Variants in OVCH1 observed in about 807,000 individuals in gnomAD.
OVCH1 encodes ovochymase-1.
A neutral mutation model predicts 138.4 loss-of-function variants in OVCH1; 139 were observed. The observed-to-expected ratio is 1.00, with a 90% CI of 0.87 to 1.16. The LOEUF is 1.16. Among genes scored for constraint, OVCH1 ranks in the 50% most tolerant of loss-of-function variants. The probability of loss-of-function intolerance (pLI) is 0.00; values close to 1 mark genes in which losing one functional copy is unlikely to be tolerated. For missense variants in OVCH1, 1,367 were observed against 1,357.9 expected, an observed-to-expected ratio of 1.01 and a Z score of -0.11; for synonymous variants, 453 against 467.8, an observed-to-expected ratio of 0.97 and a Z score of 0.41.
chr12:29,426,838 T>C (rs901569654), downstream of OVCH1, among the ~76,000 whole-genome samples: 15 of 152,200 alleles, frequency 9.9e-5, no homozygotes, highest in Admixed American at 3.3e-4. Context: ...TTCTATATCT[T>C]TGCTGTCCAA....
In OVCH1 at chr12:29,451,027, GC is replaced by G. The variant is rs1291146483; in HGVS notation, c.2755+317del. Among the ~76,000 whole-genome samples, 17 of 123,806 alleles carry G rather than the reference GC, an allele frequency of 1.4e-4. No homozygotes were observed. The Admixed American group carries it at 1.5e-3, about 11-fold the overall frequency. 81.2% of individuals were successfully genotyped at this position (123,806 alleles called of 152,430 possible). On this transcript the variant is annotated intron_variant, in intron 22 of 27. Transcript: ENST00000318184. ...ACTGGGGCCTGTTGGGGGGTGGGGGGCTAGGGGAGGGATAGCACTAGGAGAA... is the reference window on the plus strand; with the variant it reads ...ACTGGGGCCTGTTGGGGGGTGGGGGGTAGGGGAGGGATAGCACTAGGAGAA...
chr12:29,437,369 T>A (rs1941383150), intron 26 of OVCH1, among the ~76,000 whole-genome samples: 1 of 152,182 alleles, frequency 6.6e-6, no homozygotes, highest in African/African-American at 2.4e-5. Flanking sequence ...TACTTAATAA[T>A]TTTTTCATAT....
downstream of OVCH1, among the ~76,000 whole-genome samples, chr12:29,423,763 T>G (rs568950008): frequency 3.3e-5 from 5 of 152,312 alleles, no homozygotes; most frequent in African/African-American, 1.2e-4. Flanking sequence ...TTGATTTGTC[T>G]TCATGATAAC....
rs780379645 is a variant in OVCH1, at chr12:29,417,239, G to A, written c.*72-4514C>T. Among the ~76,000 whole-genome samples, 8 of 152,004 alleles carry A rather than the reference G, an allele frequency of 5.3e-5. No homozygotes were observed. In the South Asian group the frequency reaches 8.3e-4, roughly 16 times the overall value. On this transcript the variant is annotated intron_variant and NMD_transcript_variant, in intron 3 of 4. Coordinates refer to the OVCH1 transcript ENST00000539117. Reference sequence around the variant, plus strand: ...AGGCCAAGGCGGGTGGATCACCTGAGGTCAGGAGTTCGAGACCAACCTGAC... The same window carrying A: ...AGGCCAAGGCGGGTGGATCACCTGAAGTCAGGAGTTCGAGACCAACCTGAC...
At position 29,433,014 on chromosome 12, in the gene OVCH1, GGA is replaced by G. The variant is rs567633967; in HGVS notation, c.3327+735_3327+736del. On this transcript the variant is annotated intron_variant, in intron 27 of 27. Coordinates refer to ENST00000318184, the Ensembl canonical transcript of OVCH1. The stretch of plus-strand genomic sequence containing the variant: ...TCAAGAAAAACGAGAGGGCAAAAGG[GGA>G]GACAGTGAGTATAAATAACTTCCAT... 1.8e-3 allele frequency among the ~76,000 whole-genome samples: 267 copies of G among 152,204 alleles called. 1 individual carries two copies. Among genetic ancestry groups the G allele is most frequent in the African/African-American group, 6.0e-3 (248 of 41,528 alleles).
chr12:29,418,740 T>G (rs1941063578), intron 3 of OVCH1, among the ~76,000 whole-genome samples: 1 of 152,250 alleles, frequency 6.6e-6, no homozygotes, highest in Admixed American at 6.5e-5. Flanking sequence ...AACTTCTTTC[T>G]GTTACCAGGT....
At position 29,451,141 on chromosome 12, in the gene OVCH1, T is replaced by C. The variant is rs1941780427; in HGVS notation, c.2755+204A>G. Among the ~76,000 whole-genome samples the C allele has an allele frequency of 2.0e-5, 3 of 151,906 alleles. 1 individual carries two copies. The highest frequency in any genetic ancestry group is 2.0e-4 in the Admixed American group (3 of 15,218). Reference sequence around the variant, plus strand: ...GTAACAAACCTGCATGTTCTGCACATGTAACCCAGAACTTAAAGTATAATC... The same window carrying C: ...GTAACAAACCTGCATGTTCTGCACACGTAACCCAGAACTTAAAGTATAATC... On this transcript the variant is annotated intron_variant, in intron 22 of 27. Transcript: ENST00000318184.
intron 16 of OVCH1, among the ~76,000 whole-genome samples, chr12:29,470,061 G>A (rs1942451409): frequency 6.6e-6 from 1 of 152,060 alleles, no homozygotes; most frequent in African/African-American, 2.4e-5. Flanking sequence ...CGGAGATGAA[G>A]TAAGACACAA....
intron 23 of OVCH1, 37 bp from the exon 24 acceptor site, chr12:29,444,317 C>G (rs1160430143): frequency 6.3e-7 from 1 of 1,596,776 alleles, no homozygotes; most frequent in African/African-American, 1.3e-5. Context: ...GAGAATAAAA[C>G]CAATTTTTAA....
intron 7 of OVCH1, chr12:29,486,910 T>C: frequency 2.2e-6 from 1 of 455,908 alleles, no homozygotes; most frequent in Non-Finnish European, 4.4e-6. Context: ...ACACAATTGC[T>C]ACCAGAAGAG....
rs190896442 is a variant in OVCH1, at chr12:29,453,994, C to T, written c.2530+847G>A. On this transcript the variant is annotated intron_variant, in intron 21 of 27. Transcript: ENST00000318184. ...TAAAAATCAAACTTTCTTGAACAAC[C>T]GCTTCTTTTTGTTCATCTGCTAAGA... Among the ~76,000 whole-genome samples the T allele has an allele frequency of 2.3e-4, 35 of 152,166 alleles. No homozygotes were observed. In the East Asian group the frequency reaches 5.8e-3, roughly 25 times the overall value.
At chr12:29,488,408 C>A (rs550975788) in intron 6 of OVCH1, among the ~76,000 whole-genome samples, 1 of 151,706 alleles carries the variant, frequency 6.6e-6, no homozygotes, top group Non-Finnish European at 1.5e-5. Context: ...CCTGAGGTCA[C>A]GAGTTCGAGA....
chr12:29,439,139 C>G (rs902851001), intron 26 of OVCH1, among the ~76,000 whole-genome samples: 1 of 151,972 alleles, frequency 6.6e-6, no homozygotes. Flanking sequence ...TCTAAAGTAA[C>G]TTTTATTTTC....
At chr12:29,495,499 T>C in intron 3 of OVCH1, 42 bp from the exon 4 acceptor site, 1 of 1,545,110 alleles carries the variant, frequency 6.5e-7, no homozygotes, top group Non-Finnish European at 8.8e-7. Flanking sequence ...TTGTTTCCCC[T>C]ACGCAAGTCT....
At chr12:29,428,331 C>G (rs571695128) in intron 27 of OVCH1, among the ~76,000 whole-genome samples, 4 of 152,280 alleles carry the variant, frequency 2.6e-5, no homozygotes, top group African/African-American at 9.6e-5. Flanking sequence ...TCCTTAGACC[C>G]TCTCCAAAAT....
exon 14 of OVCH1, chr12:29,475,151 T>G (rs375757127): frequency 2.0e-6 from 3 of 1,534,820 alleles, no homozygotes; most frequent in Non-Finnish European, 2.6e-6. Flanking sequence ...TTACTAGAAC[T>G]GAATATTGAA....
downstream of OVCH1, among the ~76,000 whole-genome samples, chr12:29,423,630 T>A (rs1356202355): frequency 6.6e-6 from 1 of 152,230 alleles, no homozygotes; most frequent in Non-Finnish European, 1.5e-5. Flanking sequence ...CAATCTGCTC[T>A]AAAACACAAT....
chr12:29,496,699 G>T, intron 1 of OVCH1, 25 bp from the exon 2 acceptor site: 2 of 1,486,874 alleles, frequency 1.3e-6, no homozygotes, highest in Non-Finnish European at 9.3e-7. Context: ...ATGTGTGTGT[G>T]CACACACAGA....
Position 29,413,669 on chromosome 12 carries a change from T to TAC in OVCH1, c.*72-946_*72-945dup, listed in dbSNP as rs3064302. Among the ~76,000 whole-genome samples the TAC allele has an allele frequency of 1.7e-3, 253 of 150,924 alleles. 1 individual carries two copies. Among genetic ancestry groups the TAC allele is most frequent in the African/African-American group, 3.8e-3 (154 of 40,878 alleles). ...TATGTGTCTGTGTGTATTACACACA[T>TAC]ACACACACACACACACACACATTGG... On this transcript the variant is annotated intron_variant and NMD_transcript_variant, in intron 3 of 4. Transcript: ENST00000539117.
Sources: allele counts gnomAD v4.1 joint callset (sites outside exome capture counted in the v4.1 genomes callset), GRCh38; gene constraint gnomAD v4.1.1; transcripts MANE v1.5; gene names NCBI Gene and HGNC (gene_info 2026-07-23, HGNC 2026-07-21).